RIF1: variants seen among roughly 807,000 people sequenced by gnomAD.
The protein encoded by RIF1 is replication timing regulatory factor 1, also known as telomere-associated protein RIF1.
RIF1 carries 45 observed loss-of-function variants against 247.1 expected under a neutral mutation model. The ratio of observed to expected loss-of-function variants is 0.18; its 90% CI spans 0.14 to 0.23. The LOEUF (loss-of-function observed/expected upper bound fraction) is 0.23. Ranked by LOEUF, RIF1 falls within the 10% of genes least tolerant of loss-of-function variation. The pLI, the probability that RIF1 is intolerant of heterozygous loss-of-function variation, is 1.00. For missense variants in RIF1, 2,967 were observed against 2,862.5 expected, an observed-to-expected ratio of 1.04 and a Z score of -0.83; for synonymous variants, 1,087 against 978.8, an observed-to-expected ratio of 1.11 and a Z score of -2.06.
At chr2:151,446,219 G>A (rs779710212) in intron 19 of RIF1, among the ~76,000 whole-genome samples, 2 of 149,032 alleles carry the variant, frequency 1.3e-5, no homozygotes, top group African/African-American at 5.0e-5. Context: ...TGTTGACCTC[G>A]AACTCCTGAC....
At chr2:151,527,081 C>T in the RIF1 span, 1 of 1,168,014 alleles carries the variant, frequency 8.6e-7, no homozygotes, top group South Asian at 1.3e-5. Context: ...GGAAGCTGGG[C>T]ATTTGATTAA....
At chr2:151,491,542 C>G (rs548145659) in intron 9 of RIF1, 59 of 720,510 alleles carry the variant, frequency 8.2e-5, no homozygotes, top group East Asian at 5.8e-4. Context: ...CACTAGTTAA[C>G]AAGGTATTTT....
At position 151,500,786 on chromosome 2, in the gene RIF1, A is replaced by G. The variant is rs183619728; in HGVS notation, c.*709+1246A>G. Among the ~76,000 whole-genome samples the G allele has an allele frequency of 1.6e-4, 25 of 151,990 alleles. No individual in the cohort carries two copies. In the East Asian group the frequency reaches 4.7e-3, roughly 28 times the overall value. On this transcript the variant is annotated intron_variant and NMD_transcript_variant, in intron 11 of 13. Transcript: ENST00000454583. ...CTAATTTTTTCTATTTTTAGCAGAG[A>G]TGGAATTTCACCATGTTGGCTAGGC...
chr2:151,494,308 C>A, intron 9 of RIF1: 1 of 1,209,132 alleles, frequency 8.3e-7, no homozygotes, highest in South Asian at 1.4e-5. Context: ...TAACAGTTAC[C>A]AAAAAAGGAA....
rs769266770 is a variant in RIF1, at chr2:151,440,022, G to A, written c.1547-5G>A. 1.3e-6 allele frequency: 1 copy of A among 798,814 alleles called. No individual in the cohort carries two copies. Among genetic ancestry groups the A allele is most frequent in the East Asian group, 3.5e-5 (1 of 28,216 alleles). The allele number at this position is 798,814 out of a possible 1,614,324, so 49.5% of individuals were successfully genotyped here. A position where few individuals can be genotyped will look rare whatever the true frequency, so the allele number is the denominator to read the frequency against. ...AACTATACCCTTCTTTTTGCTTTTT[G>A]ATAGGTAACAAAAAAGAGAAACCAG... On this transcript the variant is annotated splice_region_variant and splice_polypyrimidine_tract_variant and intron_variant, in intron 14 of 35. Transcript: ENST00000444746.
chr2:151,431,361 C>T (rs183446096), intron 9 of RIF1, among the ~76,000 whole-genome samples: 207 of 152,208 alleles, frequency 1.4e-3, no homozygotes, highest in Admixed American at 3.1e-3. Context: ...GCTCAGTGGC[C>T]GACTAGAAAA....
intron 18 of RIF1, among the ~76,000 whole-genome samples, chr2:151,444,522 C>T (rs1042235951): frequency 2.6e-5 from 4 of 152,112 alleles, no homozygotes; most frequent in East Asian, 1.9e-4. Flanking sequence ...ATTGGTCAGG[C>T]GGATCTCAAA....
chr2:151,457,365 T>G (rs902600408), intron 23 of RIF1, among the ~76,000 whole-genome samples: 1 of 152,190 alleles, frequency 6.6e-6, no homozygotes, highest in Non-Finnish European at 1.5e-5. Flanking sequence ...TCAAGCAGTC[T>G]GCCCGCTTTG....
At chr2:151,474,167 A>G in intron 35 of RIF1, 95 bp downstream of exon 35, 1 of 689,826 alleles carries the variant, frequency 1.4e-6, no homozygotes. Flanking sequence ...ACCATGCCTT[A>G]TTTCAACAAT....
chr2:151,515,189 TCA>T, the RIF1 span, among the ~76,000 whole-genome samples: 1 of 152,180 alleles, frequency 6.6e-6, no homozygotes, highest in Non-Finnish European at 1.5e-5. Context: ...GGCAGGCCCT[TCA>T]CAGAGTGGAA....
chr2:151,466,452 A>G (rs1349030589), intron 30 of RIF1, among the ~76,000 whole-genome samples: 1 of 152,236 alleles, frequency 6.6e-6, no homozygotes, highest in Non-Finnish European at 1.5e-5. Context: ...TTAGGAATGC[A>G]GGCAACACTG....
chr2:151,418,415 G>T (rs1233532403), intron 6 of RIF1, among the ~76,000 whole-genome samples: 1 of 152,176 alleles, frequency 6.6e-6, no homozygotes, highest in African/African-American at 2.4e-5. Flanking sequence ...ACGTTGGCCA[G>T]TCTGGAGTTG....
intron 24 of RIF1, 97 bp from the exon 25 acceptor site, chr2:151,458,714 T>C: frequency 5.8e-6 from 3 of 515,286 alleles, no homozygotes; most frequent in Non-Finnish European, 1.0e-5. Context: ...AAGATGTATT[T>C]TGCTGCTCTA....
At chr2:151,410,355 C>T (rs569905853) in intron 1 of RIF1, 59 bp from the exon 2 acceptor site, 2 of 1,410,494 alleles carry the variant, frequency 1.4e-6, no homozygotes, top group South Asian at 2.4e-5. Flanking sequence ...CACACTGGGC[C>T]GCCGCGGGGC....
At chr2:151,534,150 T>G in the RIF1 span, 15 of 1,149,976 alleles carry the variant, frequency 1.3e-5, no homozygotes, top group Non-Finnish European at 1.8e-5. Context: ...GCAGACGGGA[T>G]GACATCTCAT....
chr2:151,429,530 A>G (rs565662672), intron 9 of RIF1, among the ~76,000 whole-genome samples: 3 of 152,316 alleles, frequency 2.0e-5, no homozygotes, highest in Admixed American at 1.3e-4. Context: ...TACTTTATGT[A>G]TATTTTATTT....
chr2:151,533,468 G>A, the RIF1 span: 2 of 1,551,332 alleles, frequency 1.3e-6, no homozygotes, highest in Non-Finnish European at 1.7e-6. Context: ...GAATTGTAGA[G>A]AGCAGTCAAC....
intron 10 of RIF1, among the ~76,000 whole-genome samples, 168 bp downstream of exon 10, chr2:151,433,396 G>A (rs920383376): frequency 2.0e-5 from 3 of 152,100 alleles, no homozygotes; most frequent in East Asian, 1.9e-4. Context: ...TCCCACAAGG[G>A]ATATTGTTCA....
At chr2:151,455,180 A>G (rs1464026030) in intron 22 of RIF1, 21 bp downstream of exon 22, 2 of 1,565,954 alleles carry the variant, frequency 1.3e-6, no homozygotes, top group Admixed American at 1.8e-5. Context: ...TGGACTAAGT[A>G]GCTTTGAATT....
Sources: gnomAD v4.1 joint callset for allele counts (sites outside exome capture counted in the v4.1 genomes callset) on GRCh38, gnomAD v4.1.1 for gene constraint, MANE v1.5 for transcripts, NCBI Gene and HGNC (gene_info 2026-07-23, HGNC 2026-07-21) for gene names.